SH3GLB1: variants seen among roughly 807,000 people sequenced by gnomAD.
SH3GLB1 encodes the protein endophilin-B1.
SH3GLB1 carries 17 observed loss-of-function variants against 42.0 expected under a neutral mutation model. The ratio of observed to expected loss-of-function variants is 0.40; its 90% CI spans 0.28 to 0.61. The LOEUF is 0.61. Ranked by LOEUF, SH3GLB1 falls within the 20% of genes least tolerant of loss-of-function variation. The pLI is 0.36. For missense variants in SH3GLB1, 355 were observed against 426.3 expected (o/e 0.83, Z 1.47); for synonymous variants, 132 against 146.6 (o/e 0.90, Z 0.72).
intron 5 of SH3GLB1, among the ~76,000 whole-genome samples, chr1:86,729,672 A>G (rs982464048): frequency 6.6e-6 from 1 of 152,072 alleles, no homozygotes; most frequent in African/African-American, 2.4e-5. Context: ...TTATATCTCC[A>G]GCTTATTGTT....
chr1:86,704,933 G>T lies in SH3GLB1; in HGVS notation c.34G>T (p.Ala12Ser). Residue 12 changes from alanine (A) to serine (S), a missense_variant, in exon 1 of 9, where the codon GCG becomes TCG. Coordinates refer to ENST00000370558, the MANE Select transcript of SH3GLB1 (RefSeq NM_016009.5). ...CATGGACTTCAACGTGAAGAAGCTGGCGGCCGACGCAGGCACCTTCCTCAG... is the reference window on the plus strand; with the variant it reads ...CATGGACTTCAACGTGAAGAAGCTGTCGGCCGACGCAGGCACCTTCCTCAG... ...NIMDFNVKKL[A>S]ADAGTFLSRA... 1 of 1,586,058 alleles carries T rather than the reference G, an allele frequency of 6.3e-7. No individual in the cohort carries two copies. Among genetic ancestry groups the T allele is most frequent in the Non-Finnish European group, 8.6e-7 (1 of 1,168,594 alleles).
Position 86,743,452 on chromosome 1 carries a change from TTC to T in SH3GLB1, c.*221_*222del, listed in dbSNP as rs951562211. The T allele has an allele frequency of 6.5e-5, 21 of 323,004 alleles. No individual in the cohort carries two copies. Among genetic ancestry groups the T allele is most frequent in the African/African-American group, 4.5e-4 (21 of 46,730 alleles). The allele number at this position is 323,004 out of a possible 1,614,324, so 20.0% of individuals were successfully genotyped here. Reference sequence around the variant, plus strand: ...ATGCCAAGAATGTTTTCTTACAAAATTCTCTTTTTATTGAGGTTTCACTAATA... The same window carrying T: ...ATGCCAAGAATGTTTTCTTACAAAATTCTTTTTATTGAGGTTTCACTAATA... On this transcript the variant is annotated 3_prime_UTR_variant, in exon 9 of 9. Coordinates refer to ENST00000370558, the MANE Select transcript of SH3GLB1 (RefSeq NM_016009.5).
chr1:86,715,076 C>CT (rs771909623), intron 1 of SH3GLB1, among the ~76,000 whole-genome samples: 24 of 152,102 alleles, frequency 1.6e-4, no homozygotes, highest in Non-Finnish European at 2.9e-4. Flanking sequence ...TCCTCAGCAG[C>CT]TTAAATGACA....
chr1:86,706,511 A>G (rs981358744), intron 1 of SH3GLB1, among the ~76,000 whole-genome samples: 15 of 152,188 alleles, frequency 9.9e-5, no homozygotes, highest in African/African-American at 3.6e-4. Flanking sequence ...AGTTAAAATA[A>G]TGTTTTGATT....
At chr1:86,706,581 GT>G (rs1364762769) in intron 1 of SH3GLB1, among the ~76,000 whole-genome samples, 1 of 152,130 alleles carries the variant, frequency 6.6e-6, no homozygotes, top group Non-Finnish European at 1.5e-5. Flanking sequence ...GTGATTGAGG[GT>G]GTGAAATGAA....
At position 86,747,274 on chromosome 1, in the gene SH3GLB1, T is replaced by C. The variant is rs1360424476; in HGVS notation, c.*4039T>C. On this transcript the variant is annotated 3_prime_UTR_variant, in exon 9 of 9. Coordinates refer to ENST00000370558, the MANE Select transcript of SH3GLB1 (RefSeq NM_016009.5). ...AGGACATAGTATGAACTCAATAAAT[T>C]TTTGTTGAATGAAAGAAAAATGCAA... 6.6e-6 allele frequency: 1 copy of C among 152,644 alleles called. No homozygotes were observed. Among genetic ancestry groups the C allele is most frequent in the Non-Finnish European group, 1.5e-5 (1 of 68,032 alleles). 9.5% of individuals were successfully genotyped at this position (152,644 alleles called of 1,614,324 possible).
chr1:86,715,610 T>G, intron 1 of SH3GLB1, 114 bp from the exon 2 acceptor site: 5 of 1,045,196 alleles, frequency 4.8e-6, no homozygotes, highest in African/African-American at 1.6e-5. Flanking sequence ...AGCTGGAGCA[T>G]GGTTATTTGT....
In SH3GLB1 at chr1:86,742,269, T is replaced by G. The variant is rs1186588275; in HGVS notation, c.823T>G (p.Leu275Val). 9 of 1,614,178 alleles carry G rather than the reference T, an allele frequency of 5.6e-6. No individual in the cohort carries two copies. Among genetic ancestry groups the G allele is most frequent in the Non-Finnish European group, 6.8e-6 (8 of 1,180,024 alleles). The change falls in exon 8 of 9, where the codon TTA (leucine) becomes GTA (valine). Residue 275 changes from leucine (L) to valine (V), a missense_variant. Physicochemically the swap from Leu to Val is conservative, Grantham distance 32. Transcript: ENST00000370558. ...QTSVTPVPSV[L>V]PNAIGSSAMA... The stretch of plus-strand genomic sequence containing the variant: ...TTCTGTGACACCTGTACCATCAGTT[T>G]TACCAAATGCGATTGGTTCTTCTGC...
In SH3GLB1 at chr1:86,722,648, TAGA is replaced by T. The variant is rs1570264877; in HGVS notation, c.455_457del (p.Glu152del). The T allele has an allele frequency of 1.9e-6, 3 of 1,605,856 alleles. No homozygotes were observed. The highest frequency in any genetic ancestry group is 1.7e-5 in the Admixed American group (1 of 58,854). The stretch of plus-strand genomic sequence containing the variant: ...TTTCTTACTCCTTTAAGAAACTTTA[TAGA>T]AGGAGATTACAAAACAATTGCTGTG... On this transcript the variant is annotated inframe_deletion, in exon 4 of 9. Coordinates refer to ENST00000370558, the MANE Select transcript of SH3GLB1 (RefSeq NM_016009.5).
chr1:86,713,560 T>A (rs892851163), intron 1 of SH3GLB1, among the ~76,000 whole-genome samples: 4 of 152,148 alleles, frequency 2.6e-5, no homozygotes, highest in Admixed American at 2.6e-4. Context: ...ATACACTCTT[T>A]CCTTAGATCT....
Position 86,743,953 on chromosome 1 carries a change from A to C in SH3GLB1, c.*718A>C. The stretch of plus-strand genomic sequence containing the variant: ...CTAGGACAAATTTACTTCATTAAAC[A>C]TAAAGTTTTTAAGATTATTCAGTTG... On this transcript the variant is annotated 3_prime_UTR_variant, in exon 9 of 9. Transcript: ENST00000370558. 6.6e-6 allele frequency: 1 copy of C among 152,624 alleles called. No homozygotes were observed. The highest frequency in any genetic ancestry group is 2.1e-4 in the South Asian group (1 of 4,832). 9.5% of individuals were successfully genotyped at this position (152,624 alleles called of 1,614,324 possible).
intron 1 of SH3GLB1, among the ~76,000 whole-genome samples, chr1:86,710,351 G>A (rs751643172): frequency 7.0e-4 from 106 of 151,272 alleles, no homozygotes; most frequent in Non-Finnish European, 5.9e-4. Context: ...CGCAATCTCC[G>A]TTTCCCAGGT....
chr1:86,731,013 T>C (rs1422528471), intron 5 of SH3GLB1, among the ~76,000 whole-genome samples: 3 of 152,258 alleles, frequency 2.0e-5, no homozygotes, highest in African/African-American at 7.2e-5. Context: ...TCGACTATGT[T>C]GTCTCTTCCC....
At chr1:86,705,028 G>A in intron 1 of SH3GLB1, 57 bp downstream of exon 1, 2 of 1,229,518 alleles carry the variant, frequency 1.6e-6, no homozygotes, top group Non-Finnish European at 2.3e-6. Flanking sequence ...TGAGGGAGGG[G>A]ACCGCAGCTC....
chr1:86,718,215 T>C (rs1654661531), intron 2 of SH3GLB1, among the ~76,000 whole-genome samples: 1 of 145,984 alleles, frequency 6.9e-6, no homozygotes, highest in South Asian at 2.1e-4. Flanking sequence ...AATTTTTGTA[T>C]TTTTTTTTTT....
At chr1:86,737,190 G>C (rs763309588) in intron 7 of SH3GLB1, among the ~76,000 whole-genome samples, 45 of 152,142 alleles carry the variant, frequency 3.0e-4, no homozygotes, top group Non-Finnish European at 3.2e-4. Flanking sequence ...TAATTGGAAG[G>C]CTTTTGCATT....
At position 86,747,872 on chromosome 1, in the gene SH3GLB1, C is replaced by T. The variant is rs986249993; in HGVS notation, c.*4637C>T. The stretch of plus-strand genomic sequence containing the variant: ...ATAATACAAGTCATAGCCCTGTTGG[C>T]AAAAAGAAAAAAGATTCAGTGAGAA... On this transcript the variant is annotated 3_prime_UTR_variant, in exon 9 of 9. Transcript: ENST00000370558. 1.3e-5 allele frequency: 2 copies of T among 151,884 alleles called. No homozygotes were observed. The highest frequency in any genetic ancestry group is 4.8e-5 in the African/African-American group (2 of 41,358). 9.4% of individuals were successfully genotyped at this position (151,884 alleles called of 1,614,324 possible). A position where few individuals can be genotyped will look rare whatever the true frequency, so the allele number is the denominator to read the frequency against.
intron 3 of SH3GLB1, among the ~76,000 whole-genome samples, chr1:86,721,202 T>C (rs1163393004): frequency 6.6e-6 from 1 of 152,220 alleles, no homozygotes; most frequent in African/African-American, 2.4e-5. Context: ...GTGAACCTAT[T>C]ACCTTATTAG....
At position 86,734,592 on chromosome 1, in the gene SH3GLB1, C is replaced by G. The variant is rs768978271; in HGVS notation, c.571-10C>G. The G allele has an allele frequency of 1.9e-6, 3 of 1,592,202 alleles. No individual in the cohort carries two copies. The highest frequency in any genetic ancestry group is 4.5e-5 in the East Asian group (2 of 44,668). On this transcript the variant is annotated splice_polypyrimidine_tract_variant and intron_variant, in intron 5 of 8. Transcript: ENST00000370558. ...TCTAAAGAGATTCTAAAACTATATTCTTACTTAAGTCTGAACAGGAATTAA... is the reference window on the plus strand; with the variant it reads ...TCTAAAGAGATTCTAAAACTATATTGTTACTTAAGTCTGAACAGGAATTAA...
Sources: gnomAD v4.1 joint callset for allele counts (sites outside exome capture counted in the v4.1 genomes callset) on GRCh38, gnomAD v4.1.1 for gene constraint, MANE v1.5 for transcripts, NCBI Gene and HGNC (gene_info 2026-07-23, HGNC 2026-07-21) for gene names.